ZNF227: variants seen among roughly 807,000 people sequenced by gnomAD.
ZNF227 encodes zinc finger protein 227.
Under a neutral mutation model 13.2 loss-of-function variants are expected in ZNF227, and 12 were observed. The observed-to-expected ratio is 0.91, with a 90% CI of 0.58 to 1.47. The LOEUF (loss-of-function observed/expected upper bound fraction) is 1.47, where lower values mean the gene tolerates loss of function less well. Among genes scored for constraint, ZNF227 ranks in the 40% most tolerant of loss-of-function variants. The probability of loss-of-function intolerance (pLI) is 0.00; values close to 1 mark genes in which losing one functional copy is unlikely to be tolerated. For synonymous variants in ZNF227, 338 were observed against 326.0 expected (o/e 1.04, Z -0.40); for missense variants, 885 against 967.5 (o/e 0.91, Z 1.13).
intron 2 of ZNF227, among the ~76,000 whole-genome samples, chr19:44,215,484 A>G (rs1196692043): frequency 6.7e-6 from 1 of 148,372 alleles, no homozygotes; most frequent in Non-Finnish European, 1.5e-5. Context: ...GTCTGGGATA[A>G]TTTGCTTTTA....
Position 44,237,136 on chromosome 19 carries a change from G to GT in ZNF227, c.*312dup, listed in dbSNP as rs1017274838. ...AAGGATATTTGCCATATGCTAACTG[G>GT]TTTTTTGGCCAGGGAGAGTTTTGGG... On this transcript the variant is annotated 3_prime_UTR_variant, in exon 6 of 6. Coordinates refer to ENST00000313040, the MANE Select transcript of ZNF227 (RefSeq NM_182490.3). 4 of 238,480 alleles carry GT rather than the reference G, an allele frequency of 1.7e-5. No individual in the cohort carries two copies. Among genetic ancestry groups the GT allele is most frequent in the Non-Finnish European group, 3.2e-5 (4 of 124,822 alleles). The allele number at this position is 238,480 out of a possible 1,614,324, so 14.8% of individuals were successfully genotyped here.
chr19:44,234,343 A>G (rs928198369), intron 5 of ZNF227, among the ~76,000 whole-genome samples: 1 of 152,194 alleles, frequency 6.6e-6, no homozygotes, highest in African/African-American at 2.4e-5. Flanking sequence ...TCATAAGCCT[A>G]CTGAGGAAGA....
chr19:44,235,613 C>T lies in ZNF227; in HGVS notation c.1183C>T (p.Leu395Phe). ...CGKGFGWSVN[L>F]RVHQRVHRGE... ...TAAGGGCTTCGGTTGGAGTGTTAAT[C>T]TCCGTGTTCACCAGAGGGTCCACAG... Residue 395 changes from leucine to phenylalanine, a missense_variant, in exon 6 of 6, where the codon CTC (leucine) becomes TTC (phenylalanine). By Grantham distance (22) the Leu-to-Phe change is conservative. Coordinates refer to ENST00000313040, the MANE Select transcript of ZNF227 (RefSeq NM_182490.3). 6.2e-7 allele frequency: 1 copy of T among 1,613,982 alleles called. No homozygotes were observed. Among genetic ancestry groups the T allele is most frequent in the East Asian group, 2.2e-5 (1 of 44,866 alleles).
At chr19:44,207,856 C>G (rs1176550095), upstream of ZNF227, 3 of 152,326 alleles carry the variant, frequency 2.0e-5, no homozygotes, top group Non-Finnish European at 4.4e-5. Context: ...CTTGCCAGCT[C>G]TGCCACTTAC....
At chr19:44,230,632 A>G (rs1355107708) in intron 5 of ZNF227, among the ~76,000 whole-genome samples, 11 of 152,036 alleles carry the variant, frequency 7.2e-5, no homozygotes, top group Admixed American at 6.5e-4. Flanking sequence ...CTCAAATGTT[A>G]TATCATTAGA....
chr19:44,216,295 C>A (rs1971876303), intron 2 of ZNF227, among the ~76,000 whole-genome samples: 1 of 151,206 alleles, frequency 6.6e-6, no homozygotes, highest in South Asian at 2.1e-4. Context: ...TTGACAGTTT[C>A]TTTATTTTGG....
At position 44,236,114 on chromosome 19, in the gene ZNF227, A is replaced by C. The variant is rs1159699958; in HGVS notation, c.1684A>C (p.Asn562His). The change falls in exon 6 of 6, where the codon AAT (asparagine) becomes CAT (histidine). Residue 562 changes from asparagine (N) to histidine (H), a missense_variant. Transcript: ENST00000313040. ...VCGKDFSYSS[N>H]LKLHQVIHTG... ...TGGTAAGGACTTCAGTTATAGTTCA[A>C]ATCTTAAACTACACCAAGTAATTCA... 6.8e-6 allele frequency: 11 copies of C among 1,613,810 alleles called. No individual in the cohort carries two copies. The highest frequency in any genetic ancestry group is 8.5e-6 in the Non-Finnish European group (10 of 1,179,948).
chr19:44,211,194 CTCTG>C (rs1260710777), upstream of ZNF227, among the ~76,000 whole-genome samples: 1 of 145,898 alleles, frequency 6.9e-6, no homozygotes, highest in Non-Finnish European at 1.5e-5. Context: ...AAGAGCCAAA[CTCTG>C]TCTAACAACA....
rs1244386357 is a variant in ZNF227, at chr19:44,230,951, A to ATATATATATC, written c.271+1138_271+1139insATATATCTAT. 2.2e-3 allele frequency among the ~76,000 whole-genome samples: 298 copies of ATATATATATC among 132,652 alleles called. 7 individuals are homozygous for ATATATATATC. Among genetic ancestry groups the ATATATATATC allele is most frequent in the African/African-American group, 9.1e-3 (287 of 31,490 alleles). 87.0% of individuals were successfully genotyped at this position (132,652 alleles called of 152,430 possible). ...AATATATATATATATATATATATAT[A>ATATATATATC]TATCTTAGCCAGGCATGTTAGCATA... On this transcript the variant is annotated intron_variant, in intron 5 of 5. Coordinates refer to ENST00000313040, the MANE Select transcript of ZNF227 (RefSeq NM_182490.3).
At chr19:44,223,585 G>C (rs1972776327) in intron 3 of ZNF227, among the ~76,000 whole-genome samples, 1 of 152,184 alleles carries the variant, frequency 6.6e-6, no homozygotes. Context: ...ATGGTAGTTT[G>C]TATTTCTGTG....
chr19:44,208,075 T>A (rs866471833), upstream of ZNF227, among the ~76,000 whole-genome samples: 1 of 152,208 alleles, frequency 6.6e-6, no homozygotes, highest in Admixed American at 6.5e-5. Context: ...AAAAGAAAGC[T>A]GTCTTATTAC....
At chr19:44,221,407 A>G (rs1485236667) in intron 3 of ZNF227, among the ~76,000 whole-genome samples, 1 of 152,156 alleles carries the variant, frequency 6.6e-6, no homozygotes, top group Non-Finnish European at 1.5e-5. Flanking sequence ...GTTTCTCCAC[A>G]TCCTCTCCAG....
At position 44,235,854 on chromosome 19, in the gene ZNF227, G is replaced by A. The variant is rs756686247; in HGVS notation, c.1424G>A (p.Arg475His). Residue 475 changes from arginine to histidine, a missense_variant, in exon 6 of 6, where the codon CGT becomes CAT. Physicochemically the swap from Arg to His is conservative, Grantham distance 29. Transcript: ENST00000313040. ...GAGGCGTGTGGGAAAGGCTTTACCC[G>A]TAATACAGATCTGCATATTCATTTC... ...KCEACGKGFTRNTDLHIHFRV... is the reference protein window; with the variant it reads ...KCEACGKGFTHNTDLHIHFRV... 16 of 1,613,348 alleles carry A rather than the reference G, an allele frequency of 9.9e-6. No individual in the cohort carries two copies. The highest frequency in any genetic ancestry group is 1.3e-5 in the Non-Finnish European group (15 of 1,179,828).
At chr19:44,220,291 A>G (rs918114979) in intron 3 of ZNF227, among the ~76,000 whole-genome samples, 2 of 152,106 alleles carry the variant, frequency 1.3e-5, no homozygotes, top group African/African-American at 4.8e-5. Flanking sequence ...TTGGGTATAT[A>G]CCCAGTAATG....
In ZNF227 at chr19:44,236,026, C is replaced by G. The variant is rs774679433; in HGVS notation, c.1596C>G (p.Ser532=). The G allele has an allele frequency of 2.5e-6, 4 of 1,608,198 alleles. No individual in the cohort carries two copies. In the Admixed American group the frequency reaches 5.0e-5, roughly 20 times the overall value. Reference sequence around the variant, plus strand: ...CGTGTGGGAAGGGCTTCAGTCAGTCCTCAAAGCTTCAAACCCATCAGCGAG... The same window carrying G: ...CGTGTGGGAAGGGCTTCAGTCAGTCGTCAAAGCTTCAAACCCATCAGCGAG... ...CETCGKGFSQ[S]SKLQTHQRVH... is the part of the protein sequence containing the mutation. Residue 532 remains serine, a synonymous_variant, in exon 6 of 6, where the codon TCC becomes TCG. Transcript: ENST00000313040.
chr19:44,217,648 A>G, intron 2 of ZNF227, 143 bp from the exon 3 acceptor site: 1 of 883,292 alleles, frequency 1.1e-6, no homozygotes, highest in East Asian at 2.4e-5. Context: ...GCCATTTAGT[A>G]GCTGGAATAC....
intron 5 of ZNF227, among the ~76,000 whole-genome samples, chr19:44,230,941 A>ATCTATATCTATATCTATATC (rs1568610023): frequency 2.6e-4 from 36 of 136,440 alleles, no homozygotes; most frequent in African/African-American, 1.1e-3. Flanking sequence ...ATATATATAT[A>ATCTATATCTATATCTATATC]TATATATATA....
At chr19:44,222,993 A>G (rs1972716060) in intron 3 of ZNF227, among the ~76,000 whole-genome samples, 1 of 152,050 alleles carries the variant, frequency 6.6e-6, no homozygotes, top group Non-Finnish European at 1.5e-5. Flanking sequence ...AATTTTGTCA[A>G]AGGCCTTTTC....
Position 44,234,826 on chromosome 19 carries a change from G to T in ZNF227, c.396G>T (p.Gln132His), listed in dbSNP as rs778604917. ...CAAGTGAATTAACCAGGTGTCTTCA[G>T]GGGAAGAGTTCCCAGTTATTACAAG... is the stretch of plus-strand genomic sequence containing the variant. ...QVASELTRCL[Q>H]GKSSQLLQGD... The change falls in exon 6 of 6, where the codon CAG becomes CAT. Residue 132 changes from glutamine (Q) to histidine (H), a missense_variant. Transcript: ENST00000313040. 6.2e-7 allele frequency: 1 copy of T among 1,614,116 alleles called. No individual in the cohort carries two copies.
Sources: allele counts gnomAD v4.1 joint callset (sites outside exome capture counted in the v4.1 genomes callset), GRCh38; gene constraint gnomAD v4.1.1; transcripts MANE v1.5; gene names NCBI Gene and HGNC (gene_info 2026-07-23, HGNC 2026-07-21).